Variants in CDKN2C observed in about 807,000 individuals in gnomAD.
CDKN2C encodes the protein cyclin-dependent kinase 4 inhibitor C.
A neutral mutation model predicts 11.0 loss-of-function variants in CDKN2C; 5 were observed. The ratio of observed to expected loss-of-function variants is 0.45; its 90% CI spans 0.24 to 0.95. CDKN2C has a LOEUF of 0.95. CDKN2C is among the 40% of genes least tolerant of loss of function. The pLI, the probability that CDKN2C is intolerant of heterozygous loss-of-function variation, is 0.21. For synonymous variants in CDKN2C, 79 were observed against 88.3 expected, an observed-to-expected ratio of 0.89 and a Z score of 0.59; for missense variants, 161 against 211.9, an observed-to-expected ratio of 0.76 and a Z score of 1.49.
chr1:50,964,120 T>G (rs889710510), intron 1 of CDKN2C, among the ~76,000 whole-genome samples: 1 of 152,212 alleles, frequency 6.6e-6, no homozygotes, highest in Non-Finnish European at 1.5e-5. Context: ...ACATGGTACA[T>G]CTATCAAAAC....
Position 50,970,377 on chromosome 1 carries a change from G to A in CDKN2C, c.9G>A (p.Glu3=), listed in dbSNP as rs767419170. The A allele has an allele frequency of 6.2e-7, 1 of 1,614,144 alleles. No individual in the cohort carries two copies. Among genetic ancestry groups the A allele is most frequent in the Non-Finnish European group, 8.5e-7 (1 of 1,180,034 alleles). ...CGTCAGGACCCTAAAGAATGGCCGA[G>A]CCTTGGGGGAACGAGTTGGCGTCCG... MA[E]PWGNELASAA... The change falls in exon 1 of 2, where the codon GAG becomes GAA. Residue 3 remains glutamate, a synonymous_variant. Transcript: ENST00000371761.
upstream of CDKN2C, among the ~76,000 whole-genome samples, chr1:50,966,693 G>A (rs1428244671): frequency 6.6e-6 from 1 of 150,612 alleles, no homozygotes; most frequent in Non-Finnish European, 1.5e-5. Context: ...TTACCCAACA[G>A]GCAGATGAAG....
upstream of CDKN2C, among the ~76,000 whole-genome samples, chr1:50,965,265 TGA>T (rs1645342730): frequency 6.6e-6 from 1 of 151,874 alleles, no homozygotes; most frequent in Non-Finnish European, 1.5e-5. Context: ...TGTGGGAGGC[TGA>T]GTCGGGCAGA....
At chr1:50,966,738 TA>T (rs34594257), upstream of CDKN2C, among the ~76,000 whole-genome samples, 68,355 of 141,552 alleles carry the variant, frequency 0.48, 16,812 homozygotes, top group East Asian at 0.82. Flanking sequence ...ACCAGAATGT[TA>T]AAAAAAAAAA....
At chr1:50,969,186 T>C (rs1049478613), upstream of CDKN2C, 3 of 152,228 alleles carry the variant, frequency 2.0e-5, no homozygotes, top group Admixed American at 6.5e-5. This position sits in a 1 kb window ranked among gnomAD's most constrained non-coding sequence, Gnocchi z 6.6. Context: ...GCGGCGACTC[T>C]CCCTACTCAG....
At chr1:50,973,761 C>A in intron 1 of CDKN2C, 132 bp from the exon 2 acceptor site, 1 of 1,098,784 alleles carries the variant, frequency 9.1e-7, no homozygotes, top group Non-Finnish European at 1.4e-6. Context: ...CTTCAAGCCC[C>A]ATCCTATGGG....
At chr1:50,966,070 A>T (rs1378784489), upstream of CDKN2C, among the ~76,000 whole-genome samples, 1 of 150,138 alleles carries the variant, frequency 6.7e-6, no homozygotes, top group East Asian at 1.9e-4. Context: ...ACTGAATCAC[A>T]TTTCTATTCT....
chr1:50,964,831 G>T (rs760602121), intron 1 of CDKN2C, among the ~76,000 whole-genome samples: 1 of 151,894 alleles, frequency 6.6e-6, no homozygotes, highest in Non-Finnish European at 1.5e-5. Context: ...CAAGGTGGGC[G>T]GATCATGAGG....
upstream of CDKN2C, among the ~76,000 whole-genome samples, chr1:50,965,523 A>G (rs1645343935): frequency 6.6e-6 from 1 of 151,928 alleles, no homozygotes; most frequent in Non-Finnish European, 1.5e-5. Context: ...CAGCCTGGCC[A>G]ATATAGTAAG....
chr1:50,966,347 C>T (rs1645347245), upstream of CDKN2C, among the ~76,000 whole-genome samples: 1 of 152,060 alleles, frequency 6.6e-6, no homozygotes, highest in Admixed American at 6.5e-5. Flanking sequence ...CCGGCCACTT[C>T]TATGTCTCCT....
rs567035885 is a variant in CDKN2C at position 50,964,683 on chromosome 1, A to G, written c.-1975-3253A>G. Among the ~76,000 whole-genome samples, 12 of 152,338 alleles carry G rather than the reference A, an allele frequency of 7.9e-5. No homozygotes were observed. In the South Asian group the frequency reaches 2.5e-3, roughly 32 times the overall value. On this transcript the variant is annotated intron_variant, in intron 1 of 3. Transcript: ENST00000262662. Reference sequence around the variant, plus strand: ...TAGTATTCACTGACTTTAAATCACAATTTCTGCCAGCCTCAATTCCCTCAC... The same window carrying G: ...TAGTATTCACTGACTTTAAATCACAGTTTCTGCCAGCCTCAATTCCCTCAC...
chr1:50,962,293 A>C (rs1160447969), intron 1 of CDKN2C, among the ~76,000 whole-genome samples: 3 of 152,232 alleles, frequency 2.0e-5, no homozygotes, highest in Non-Finnish European at 4.4e-5. Flanking sequence ...CTGAGGGAGG[A>C]GAATCACCTG....
chr1:50,963,104 G>C (rs1645333382), intron 1 of CDKN2C, among the ~76,000 whole-genome samples: 1 of 152,024 alleles, frequency 6.6e-6, no homozygotes, highest in Non-Finnish European at 1.5e-5. Flanking sequence ...GCTTTTCTCA[G>C]GACCACCCCT....
At chr1:50,972,234 A>G (rs966569005) in intron 1 of CDKN2C, among the ~76,000 whole-genome samples, 1 of 152,076 alleles carries the variant, frequency 6.6e-6, no homozygotes, top group African/African-American at 2.4e-5. Context: ...CTTTAGGGAC[A>G]GTTGTGGTCG....
intron 1 of CDKN2C, among the ~76,000 whole-genome samples, chr1:50,961,076 C>T (rs1645318497): frequency 6.6e-6 from 1 of 151,962 alleles, no homozygotes; most frequent in Non-Finnish European, 1.5e-5. Flanking sequence ...CGCACTGTGG[C>T]CCGGGCTGGA....
At chr1:50,968,995 G>A (rs1007816946), upstream of CDKN2C, 2 of 153,538 alleles carry the variant, frequency 1.3e-5, no homozygotes, top group Non-Finnish European at 2.9e-5. Flanking sequence ...CACTGGGAGC[G>A]GTGCGGCCAA....
intron 1 of CDKN2C, among the ~76,000 whole-genome samples, chr1:50,964,058 A>G (rs949710450): frequency 1.3e-5 from 2 of 152,122 alleles, no homozygotes; most frequent in African/African-American, 4.8e-5. Context: ...ACAGTACAGA[A>G]TGTTCCTATA....
At chr1:50,973,657 C>T (rs1557609660) in intron 1 of CDKN2C, among the ~76,000 whole-genome samples, 1 of 152,150 alleles carries the variant, frequency 6.6e-6, no homozygotes, top group Non-Finnish European at 1.5e-5. Context: ...ATTTATCCTA[C>T]TTTTGGGCCC....
At chr1:50,973,797 T>C in intron 1 of CDKN2C, 96 bp from the exon 2 acceptor site, 2 of 1,459,206 alleles carry the variant, frequency 1.4e-6, no homozygotes, top group Non-Finnish European at 9.5e-7. Context: ...CCATCAAAAA[T>C]AAATAGTTAC....
Sources: gnomAD v4.1 joint callset for allele counts (sites outside exome capture counted in the v4.1 genomes callset) on GRCh38, gnomAD v4.1.1 for gene constraint, Gnocchi (gnomAD v3.1) non-coding constraint, MANE v1.5 for transcripts, NCBI Gene and HGNC (gene_info 2026-07-23, HGNC 2026-07-21) for gene names.